The following TECRL variants were observed in gnomAD, a reference collection of about 807,000 sequenced individuals.
The protein encoded by TECRL is trans-2,3-enoyl-CoA reductase like, also known as trans-2,3-enoyl-CoA reductase-like.
TECRL carries 63 observed loss-of-function variants against 52.8 expected under a neutral mutation model. The ratio of observed to expected loss-of-function variants is 1.19; its 90% CI spans 0.97 to 1.47. The LOEUF (loss-of-function observed/expected upper bound fraction) is 1.47. Among genes scored for constraint, TECRL ranks in the 40% most tolerant of loss-of-function variants. TECRL has a pLI of 0.00. For synonymous variants in TECRL, 164 were observed against 141.9 expected, an observed-to-expected ratio of 1.16 and a Z score of -1.10; for missense variants, 482 against 429.6, an observed-to-expected ratio of 1.12 and a Z score of -1.08.
At chr4:64,320,380 G>A (rs750475582) in intron 4 of TECRL, among the ~76,000 whole-genome samples, 1 of 151,730 alleles carries the variant, frequency 6.6e-6, no homozygotes, top group Non-Finnish European at 1.5e-5. Flanking sequence ...CATTACTTTT[G>A]TTGCATAATT....
chr4:64,308,678 C>T (rs999566570), intron 6 of TECRL, among the ~76,000 whole-genome samples: 3 of 152,156 alleles, frequency 2.0e-5, no homozygotes, highest in Non-Finnish European at 4.4e-5. Context: ...TGTCTTAATT[C>T]TTCTTGGTTG....
chr4:64,365,185 T>A (rs1721505930), intron 2 of TECRL, among the ~76,000 whole-genome samples: 1 of 142,414 alleles, frequency 7.0e-6, no homozygotes, highest in African/African-American at 2.6e-5. Context: ...AGGCTTTTCG[T>A]TAAATTCAGT....
chr4:64,295,164 T>C (rs1723608509), intron 8 of TECRL, among the ~76,000 whole-genome samples: 1 of 151,626 alleles, frequency 6.6e-6, no homozygotes, highest in Non-Finnish European at 1.5e-5. Flanking sequence ...ACATTTAGTG[T>C]AAATTTTGGG....
intron 2 of TECRL, among the ~76,000 whole-genome samples, chr4:64,345,743 A>ACCC (rs1470147159): frequency 2.0e-5 from 3 of 151,526 alleles, no homozygotes; most frequent in African/African-American, 7.3e-5. Context: ...TCACAAGCAG[A>ACCC]CCCCAGTTAA....
At chr4:64,293,249 CACTT>C (rs1216712429) in intron 8 of TECRL, among the ~76,000 whole-genome samples, 4 of 152,052 alleles carry the variant, frequency 2.6e-5, no homozygotes, top group African/African-American at 4.8e-5. Context: ...TAAATAAAAA[CACTT>C]ACTTTTTCAG....
chr4:64,351,992 A>T (rs943605134), intron 2 of TECRL, among the ~76,000 whole-genome samples: 1 of 92,154 alleles, frequency 1.1e-5, no homozygotes, highest in Non-Finnish European at 2.8e-5. Context: ...ATCAAGGCCT[A>T]CCTAGCCCTG....
At chr4:64,332,596 T>C (rs1171354219) in intron 2 of TECRL, among the ~76,000 whole-genome samples, 1 of 152,198 alleles carries the variant, frequency 6.6e-6, no homozygotes, top group East Asian at 1.9e-4. Context: ...CAGATAAAGT[T>C]TTCATACACA....
intron 3 of TECRL, among the ~76,000 whole-genome samples, chr4:64,326,452 TC>T (rs1718267457): frequency 6.6e-6 from 1 of 152,112 alleles, no homozygotes; most frequent in African/African-American, 2.4e-5. Context: ...GTTCTCATAT[TC>T]CCACCCCTTG....
intron 8 of TECRL, among the ~76,000 whole-genome samples, chr4:64,292,682 G>T (rs1723456919): frequency 1.3e-5 from 2 of 151,874 alleles, no homozygotes; most frequent in African/African-American, 4.8e-5. Flanking sequence ...CACACTCACA[G>T]AACTATAAGC....
intron 2 of TECRL, among the ~76,000 whole-genome samples, chr4:64,332,196 C>T (rs1371668479): frequency 1.3e-5 from 2 of 152,140 alleles, no homozygotes; most frequent in African/African-American, 4.8e-5. Context: ...TTTTCACACA[C>T]CTATGAGCCT....
chr4:64,371,187 A>G (rs1050131658), intron 2 of TECRL, among the ~76,000 whole-genome samples: 1 of 151,420 alleles, frequency 6.6e-6, no homozygotes, highest in Non-Finnish European at 1.5e-5. Context: ...TTTAACTACA[A>G]ACCCAGTAAT....
In TECRL at chr4:64,281,473, C is replaced by A; in HGVS notation, c.918+1G>T. The A allele has an allele frequency of 1.3e-6, 2 of 1,567,040 alleles. No homozygotes were observed. Among genetic ancestry groups the A allele is most frequent in the Non-Finnish European group, 1.8e-6 (2 of 1,142,542 alleles). On this transcript the variant is annotated splice_donor_variant, in intron 10 of 11. Coordinates refer to ENST00000381210, the MANE Select transcript of TECRL (RefSeq NM_001010874.5). LOFTEE classifies it high-confidence loss of function. Reference sequence around the variant, plus strand: ...AGCATTTACATACATAAATAACATACCTCATAGGTGTAGTTAGGACATGAA... The same window carrying A: ...AGCATTTACATACATAAATAACATAACTCATAGGTGTAGTTAGGACATGAA...
intron 2 of TECRL, among the ~76,000 whole-genome samples, chr4:64,333,791 C>T (rs1404481464): frequency 7.9e-6 from 1 of 126,194 alleles, no homozygotes; most frequent in Non-Finnish European, 1.6e-5. Context: ...GAGGCCGAGG[C>T]GGGTGGATCA....
chr4:64,342,910 A>T (rs34928138), intron 2 of TECRL, among the ~76,000 whole-genome samples: 1 of 152,150 alleles, frequency 6.6e-6, no homozygotes, highest in Non-Finnish European at 1.5e-5. Context: ...AAAAAATAAC[A>T]CTATGAAAAT....
intron 4 of TECRL, among the ~76,000 whole-genome samples, chr4:64,317,133 C>G (rs545490379): frequency 1.3e-5 from 2 of 152,116 alleles, no homozygotes; most frequent in South Asian, 4.2e-4. Context: ...AAAAAATTAG[C>G]CGGGCGTGGT....
chr4:64,409,275 A>T lies in TECRL; in HGVS notation c.77T>A (p.Leu26Gln). The T allele has an allele frequency of 3.7e-6, 6 of 1,613,862 alleles. No homozygotes were observed. The highest frequency in any genetic ancestry group is 5.1e-6 in the Non-Finnish European group (6 of 1,179,854). ...LLSQRATRFI[L>Q]KDDMRNFHFL... ...GTGAAAATTTCTCATATCATCCTTC[A>T]GTATGAACCGTGTAGCTCTTTGGGA... The change falls in exon 1 of 12, where the codon CTG becomes CAG. Residue 26 changes from leucine (L) to glutamine (Q), a missense_variant. By Grantham distance (113) the Leu-to-Gln change is moderately radical (BLOSUM62 -2). Coordinates refer to ENST00000381210, the MANE Select transcript of TECRL (RefSeq NM_001010874.5).
intron 1 of TECRL, among the ~76,000 whole-genome samples, chr4:64,403,507 A>T (rs910467845): frequency 2.0e-5 from 3 of 151,866 alleles, no homozygotes; most frequent in Admixed American, 6.6e-5. Context: ...ACACACATAG[A>T]CTTAGTAAAT....
At position 64,400,236 on chromosome 4, in the gene TECRL, A is replaced by G. The variant is rs186878173; in HGVS notation, c.234+8882T>C. On this transcript the variant is annotated intron_variant, in intron 1 of 11. Coordinates refer to ENST00000381210, the MANE Select transcript of TECRL (RefSeq NM_001010874.5). The stretch of plus-strand genomic sequence containing the variant: ...TTGTTCTACTAGGTTTTGGACTTGC[A>G]TGGACCCTGTAGCCACTTTCTTTTA... Among the ~76,000 whole-genome samples, 276 of 152,304 alleles carry G rather than the reference A, an allele frequency of 1.8e-3. 2 individuals are homozygous for G. Among genetic ancestry groups the G allele is most frequent in the African/African-American group, 6.1e-3 (254 of 41,570 alleles).
intron 2 of TECRL, among the ~76,000 whole-genome samples, chr4:64,358,346 A>T (rs1318871199): frequency 3.3e-5 from 5 of 151,884 alleles, no homozygotes; most frequent in African/African-American, 9.7e-5. Flanking sequence ...AAATAAATAA[A>T]TAATCATCGT....
Sources: gnomAD v4.1 joint callset for allele counts (sites outside exome capture counted in the v4.1 genomes callset) on GRCh38, gnomAD v4.1.1 for gene constraint, MANE v1.5 for transcripts, NCBI Gene and HGNC (gene_info 2026-07-23, HGNC 2026-07-21) for gene names.